The following SLC16A2 variants were observed in gnomAD, a reference collection of about 807,000 sequenced individuals.
SLC16A2 encodes monocarboxylate transporter 8.
A neutral mutation model predicts 27.2 loss-of-function variants in SLC16A2; 3 were observed. The observed-to-expected ratio is 0.11, with a 90% CI of 0.05 to 0.28. The LOEUF (loss-of-function observed/expected upper bound fraction) is 0.28. SLC16A2 is among the 10% of genes least tolerant of loss of function. The pLI is 1.00. For synonymous variants in SLC16A2, 202 were observed against 187.8 expected (o/e 1.08, Z -0.62); for missense variants, 295 against 458.5 (o/e 0.64, Z 3.26).
In SLC16A2 at chrX:74,524,827, G is replaced by A; in HGVS notation, c.1026+18G>A. 1 of 1,186,645 alleles carries A rather than the reference G, an allele frequency of 8.4e-7. No homozygotes were observed. Among genetic ancestry groups the A allele is most frequent in the Non-Finnish European group, 1.1e-6 (1 of 877,878 alleles). ...TACACCTGGTGAGGAATACCAGAGT[G>A]GGCCCACCCCACCTGGCCCCAAGAA... is the stretch of plus-strand genomic sequence containing the variant. On this transcript the variant is annotated intron_variant, in intron 3 of 5. Transcript: ENST00000587091.
At chrX:74,509,042 G>T (rs1408441522) in intron 1 of SLC16A2, among the ~76,000 whole-genome samples, 1 of 110,705 alleles carries the variant, frequency 9.0e-6, no homozygotes, top group Non-Finnish European at 1.9e-5. Context: ...ACTCACTGTA[G>T]CCTCCACCTC....
At chrX:74,478,738 A>G (rs1929544932) in intron 1 of SLC16A2, among the ~76,000 whole-genome samples, 1 of 110,954 alleles carries the variant, frequency 9.0e-6, no homozygotes, top group South Asian at 3.8e-4. Flanking sequence ...TCCTTCACTT[A>G]TGAAGCTTAG....
intron 1 of SLC16A2, among the ~76,000 whole-genome samples, chrX:74,520,706 C>G (rs1290312579): frequency 8.9e-6 from 1 of 111,889 alleles, no homozygotes; most frequent in East Asian, 2.8e-4. Context: ...ATGTTTTTTG[C>G]CCCTGAAGCC....
chrX:74,471,692 G>A (rs1261266237), intron 1 of SLC16A2, among the ~76,000 whole-genome samples: 2 of 111,402 alleles, frequency 1.8e-5, no homozygotes, highest in Non-Finnish European at 1.9e-5. Flanking sequence ...CATTTTAAGT[G>A]TACATTTCAG....
intron 1 of SLC16A2, among the ~76,000 whole-genome samples, chrX:74,517,720 A>G (rs953998670): frequency 1.8e-5 from 2 of 112,009 alleles, no homozygotes; most frequent in African/African-American, 6.5e-5. Context: ...TAAAGCTTAG[A>G]AAAGAGAGAC....
chrX:74,521,892 T>C (rs1041769122), intron 2 of SLC16A2, among the ~76,000 whole-genome samples: 2 of 112,170 alleles, frequency 1.8e-5, no homozygotes, highest in Admixed American at 9.4e-5. Context: ...CTTGGCAGTA[T>C]CAGGTGAGAA....
intron 1 of SLC16A2, among the ~76,000 whole-genome samples, chrX:74,433,615 TGTAAA>T (rs1928572084): frequency 8.9e-6 from 1 of 111,808 alleles, no homozygotes; most frequent in Non-Finnish European, 1.9e-5. Context: ...ATGCCCTACT[TGTAAA>T]GTACAAATTG....
intron 2 of SLC16A2, 72 bp downstream of exon 2, chrX:74,521,206 A>C: frequency 8.9e-7 from 1 of 1,122,112 alleles, no homozygotes. Context: ...AGCTAGGGTT[A>C]CTTTTCTCAC....
intron 1 of SLC16A2, among the ~76,000 whole-genome samples, chrX:74,490,954 C>T (rs949872230): frequency 2.7e-5 from 3 of 111,491 alleles, no homozygotes; most frequent in Non-Finnish European, 3.8e-5. Context: ...GGCCAAGGCT[C>T]GGGAGGACTT....
At chrX:74,474,524 A>C (rs1242517105) in intron 1 of SLC16A2, among the ~76,000 whole-genome samples, 5 of 108,844 alleles carry the variant, frequency 4.6e-5, no homozygotes, top group African/African-American at 1.3e-4. Context: ...ACATGTGCAC[A>C]ACGTGCAGGT....
chrX:74,469,107 TATA>T (rs1383074754), intron 1 of SLC16A2, among the ~76,000 whole-genome samples: 3 of 112,194 alleles, frequency 2.7e-5, no homozygotes, highest in Non-Finnish European at 5.6e-5. Context: ...TTACACTTAA[TATA>T]ATGACTTTCA....
At chrX:74,461,792 T>G (rs1230890089) in intron 1 of SLC16A2, among the ~76,000 whole-genome samples, 2 of 111,760 alleles carry the variant, frequency 1.8e-5, no homozygotes, top group African/African-American at 6.5e-5. Flanking sequence ...CTCTTAGCTT[T>G]GTGTTACCAG....
chrX:74,432,303 C>T (rs1353624845), intron 1 of SLC16A2, among the ~76,000 whole-genome samples: 1 of 111,169 alleles, frequency 9.0e-6, no homozygotes, highest in Non-Finnish European at 1.9e-5. Flanking sequence ...GAGCTTTGCT[C>T]CTTTGTATTC....
At chrX:74,481,744 T>G (rs1929624319) in intron 1 of SLC16A2, among the ~76,000 whole-genome samples, 1 of 106,850 alleles carries the variant, frequency 9.4e-6, no homozygotes. Flanking sequence ...TTCTGCTTGC[T>G]TTGGGTTTAG....
intron 1 of SLC16A2, among the ~76,000 whole-genome samples, chrX:74,500,229 C>T (rs1469936842): frequency 9.0e-6 from 1 of 110,866 alleles, no homozygotes; most frequent in East Asian, 2.9e-4. Context: ...GGAGGAAACA[C>T]GGGTATGGTG....
intron 1 of SLC16A2, among the ~76,000 whole-genome samples, chrX:74,434,599 A>G (rs1928588274): frequency 1.8e-5 from 2 of 110,859 alleles, no homozygotes; most frequent in Non-Finnish European, 3.8e-5. Flanking sequence ...TTTGTGGCAC[A>G]GCCTACTCAG....
intron 1 of SLC16A2, among the ~76,000 whole-genome samples, chrX:74,503,226 C>T (rs1930068813): frequency 9.0e-6 from 1 of 110,789 alleles, no homozygotes; most frequent in Non-Finnish European, 1.9e-5. Context: ...CTGACCTTCT[C>T]TTCAGCCACC....
chrX:74,468,752 TACAA>T (rs2147851467), intron 1 of SLC16A2, among the ~76,000 whole-genome samples: 1 of 112,254 alleles, frequency 8.9e-6, no homozygotes, highest in African/African-American at 3.2e-5. Flanking sequence ...GACATAAGCA[TACAA>T]TCTTATAATG....
chrX:74,493,173 A>T (rs914698851), intron 1 of SLC16A2, among the ~76,000 whole-genome samples: 1 of 111,793 alleles, frequency 8.9e-6, no homozygotes, highest in African/African-American at 3.3e-5. Context: ...AGAGGGACAG[A>T]GGTAAGTAAC....
Sources: allele counts gnomAD v4.1 joint callset (sites outside exome capture counted in the v4.1 genomes callset), GRCh38; gene constraint gnomAD v4.1.1; transcripts MANE v1.5; gene names NCBI Gene and HGNC (gene_info 2026-07-23, HGNC 2026-07-21).